The following GRHL2 variants were observed in gnomAD, a reference collection of about 807,000 sequenced individuals.
The protein encoded by GRHL2 is grainyhead-like protein 2 homolog.
GRHL2 carries 21 observed loss-of-function variants against 83.8 expected under a neutral mutation model. The ratio of observed to expected loss-of-function variants is 0.25; its 90% CI spans 0.18 to 0.36. The LOEUF is 0.36. Among genes scored for constraint, GRHL2 ranks in the 10% least tolerant of loss-of-function variants. The probability of loss-of-function intolerance (pLI) is 1.00; values close to 1 mark genes in which losing one functional copy is unlikely to be tolerated. For missense variants in GRHL2, 623 were observed against 781.8 expected, an observed-to-expected ratio of 0.80 and a Z score of 2.42; for synonymous variants, 280 against 278.9, an observed-to-expected ratio of 1.00 and a Z score of -0.04.
In GRHL2 at chr8:101,535,212, C is replaced by T. The variant is rs571060175; in HGVS notation, c.21-8029C>T. ...CCTTTGTGTGTGTTAACATTTTCTA[C>T]AAACAATCTGACACACTTTAGATGT... On this transcript the variant is annotated intron_variant, in intron 1 of 15. Coordinates refer to ENST00000646743, the MANE Select transcript of GRHL2 (RefSeq NM_024915.4). Among the ~76,000 whole-genome samples the T allele has an allele frequency of 2.5e-4, 38 of 152,316 alleles. No homozygotes were observed. In the South Asian group the frequency reaches 7.5e-3, roughly 30 times the overall value.
chr8:101,497,733 ATTAAAC>A (rs1810137331), intron 1 of GRHL2, among the ~76,000 whole-genome samples: 2 of 152,234 alleles, frequency 1.3e-5, no homozygotes, highest in African/African-American at 4.8e-5. Context: ...ACTGCTTCAA[ATTAAAC>A]TTAATGTTAG....
chr8:101,547,468 C>A (rs1419490630), intron 2 of GRHL2, among the ~76,000 whole-genome samples: 1 of 152,232 alleles, frequency 6.6e-6, no homozygotes, highest in Non-Finnish European at 1.5e-5. Flanking sequence ...TACACGCAGG[C>A]ACTCCAGAAA....
chr8:101,574,193 T>C (rs1304447827), intron 6 of GRHL2, among the ~76,000 whole-genome samples: 3 of 152,230 alleles, frequency 2.0e-5, no homozygotes, highest in East Asian at 3.8e-4. Context: ...CTTTGTTCTA[T>C]TCTGTAAAGG....
downstream of GRHL2, among the ~76,000 whole-genome samples, chr8:101,672,485 G>C (rs573625296): frequency 6.6e-6 from 1 of 151,622 alleles, no homozygotes; most frequent in Non-Finnish European, 1.5e-5. Flanking sequence ...GAAATGAAGC[G>C]AGAAGGGAAG....
chr8:101,521,173 A>T (rs1166033657), intron 1 of GRHL2, among the ~76,000 whole-genome samples: 1 of 152,174 alleles, frequency 6.6e-6, no homozygotes, highest in Non-Finnish European at 1.5e-5. Flanking sequence ...AATGTTGAGC[A>T]GAAGCTTCCA....
intron 1 of GRHL2, among the ~76,000 whole-genome samples, chr8:101,495,209 A>G (rs533182754): frequency 2.3e-4 from 35 of 152,262 alleles, no homozygotes; most frequent in South Asian, 1.5e-3. Context: ...TGGAAAATCC[A>G]CCTTACGAGG....
chr8:101,619,901 T>A (rs868674800), intron 9 of GRHL2, among the ~76,000 whole-genome samples: 2 of 150,006 alleles, frequency 1.3e-5, no homozygotes, highest in Middle Eastern at 3.2e-3. Context: ...TTTTTTTTTT[T>A]AGTTTATCAT....
intron 1 of GRHL2, among the ~76,000 whole-genome samples, chr8:101,507,393 T>C (rs1293088418): frequency 6.6e-6 from 1 of 152,192 alleles, no homozygotes; most frequent in Non-Finnish European, 1.5e-5. Context: ...TACCCTTTTT[T>C]TAGTGTTATT....
intron 5 of GRHL2, among the ~76,000 whole-genome samples, chr8:101,572,989 G>A (rs548734548): frequency 6.6e-5 from 10 of 152,302 alleles, no homozygotes; most frequent in African/African-American, 2.4e-4. Flanking sequence ...GTGCAGCTGT[G>A]TTCCAATAAA....
intron 7 of GRHL2, among the ~76,000 whole-genome samples, chr8:101,591,584 G>T (rs1266621894): frequency 6.6e-6 from 1 of 152,170 alleles, no homozygotes; most frequent in Non-Finnish European, 1.5e-5. Context: ...TGTTGAATTT[G>T]CAAGACAAAT....
intron 8 of GRHL2, among the ~76,000 whole-genome samples, chr8:101,619,210 G>T (rs958466995): frequency 6.6e-6 from 1 of 152,070 alleles, no homozygotes; most frequent in Non-Finnish European, 1.5e-5. Flanking sequence ...CTGAGATCAC[G>T]CCACTGCACT....
At chr8:101,660,053 A>G (rs1813886033) in intron 14 of GRHL2, among the ~76,000 whole-genome samples, 1 of 152,212 alleles carries the variant, frequency 6.6e-6, no homozygotes, top group African/African-American at 2.4e-5. Context: ...AGGTCTATTG[A>G]AATCTCTCAC....
At chr8:101,583,022 T>C (rs1160437785) in intron 7 of GRHL2, among the ~76,000 whole-genome samples, 3 of 152,224 alleles carry the variant, frequency 2.0e-5, no homozygotes, top group Non-Finnish European at 2.9e-5. Flanking sequence ...AGTGGCTGTG[T>C]TACATTTGCT....
rs1813457078 is a variant in GRHL2 at position 101,644,025 on chromosome 8, A to G, written c.1518-106A>G. 4 of 968,416 alleles carry G rather than the reference A, an allele frequency of 4.1e-6. No individual in the cohort carries two copies. The South Asian group carries it at 5.5e-5, about 13-fold the overall frequency. 60.0% of individuals were successfully genotyped at this position (968,416 alleles called of 1,614,324 possible). ...TGGTGAGTAGATCCAGTTACGGAGC[A>G]TAGGGACGGTATAAGCAAAGGGAAA... On this transcript the variant is annotated intron_variant, in intron 12 of 15. Transcript: ENST00000646743.
intron 1 of GRHL2, among the ~76,000 whole-genome samples, chr8:101,493,681 G>C (rs1478634512): frequency 6.6e-6 from 1 of 152,120 alleles, no homozygotes; most frequent in Non-Finnish European, 1.5e-5. Context: ...GCGGGACTGC[G>C]TGGGGCGCGC....
At chr8:101,625,527 T>C (rs1388185046) in intron 9 of GRHL2, among the ~76,000 whole-genome samples, 3 of 152,004 alleles carry the variant, frequency 2.0e-5, no homozygotes, top group Admixed American at 1.3e-4. Context: ...TTTTAAATTA[T>C]AAAAGGGAGA....
intron 1 of GRHL2, among the ~76,000 whole-genome samples, chr8:101,526,669 A>T (rs752170449): frequency 1.3e-5 from 2 of 151,708 alleles, no homozygotes; most frequent in East Asian, 3.9e-4. Flanking sequence ...CTGAACACGT[A>T]GTTTGTCAAT....
At chr8:101,664,710 T>C (rs1422738082) in intron 15 of GRHL2, among the ~76,000 whole-genome samples, 192 bp downstream of exon 15, 1 of 152,056 alleles carries the variant, frequency 6.6e-6, no homozygotes, top group African/African-American at 2.4e-5. Flanking sequence ...AGGGAGGCAG[T>C]GCACTGGCAC....
intron 2 of GRHL2, among the ~76,000 whole-genome samples, chr8:101,551,201 G>T (rs369027214): frequency 6.6e-6 from 1 of 152,132 alleles, no homozygotes; most frequent in East Asian, 1.9e-4. Flanking sequence ...TAACATGAAT[G>T]ATTTATAATT....
Sources: gnomAD v4.1 joint callset for allele counts (sites outside exome capture counted in the v4.1 genomes callset) on GRCh38, gnomAD v4.1.1 for gene constraint, MANE v1.5 for transcripts, NCBI Gene and HGNC (gene_info 2026-07-23, HGNC 2026-07-21) for gene names.